Variants in UBE3D observed in about 807,000 individuals in gnomAD.
UBE3D encodes the protein E3 ubiquitin-protein ligase E3D.
UBE3D carries 48 observed loss-of-function variants against 49.6 expected under a neutral mutation model. That is an observed-to-expected ratio of 0.97 (90% confidence interval 0.77 to 1.23). The LOEUF (loss-of-function observed/expected upper bound fraction) is 1.23. Ranked by LOEUF, UBE3D falls within the 50% of genes most tolerant of loss-of-function variation. The pLI is 0.00. For synonymous variants in UBE3D, 189 were observed against 174.2 expected (o/e 1.08, Z -0.67); for missense variants, 452 against 468.4 (o/e 0.96, Z 0.32).
At chr6:82,903,594 A>T (rs1771890103) in intron 9 of UBE3D, among the ~76,000 whole-genome samples, 1 of 152,202 alleles carries the variant, frequency 6.6e-6, no homozygotes, top group Non-Finnish European at 1.5e-5. Context: ...AAAGGAATCA[A>T]AATGTAACCA....
chr6:82,993,296 T>C (rs1419905289), intron 8 of UBE3D, among the ~76,000 whole-genome samples: 1 of 152,174 alleles, frequency 6.6e-6, no homozygotes, highest in Non-Finnish European at 1.5e-5. Context: ...AATCTTTTCC[T>C]CTTGCACGAC....
chr6:82,972,852 C>A (rs1475826803), intron 8 of UBE3D, among the ~76,000 whole-genome samples: 1 of 152,106 alleles, frequency 6.6e-6, no homozygotes, highest in Non-Finnish European at 1.5e-5. Flanking sequence ...CATGTCTAGT[C>A]TATCCTTCTA....
At position 83,021,028 on chromosome 6, in the gene UBE3D, T is replaced by A. The variant is rs116699348; in HGVS notation, c.846+1425A>T. Among the ~76,000 whole-genome samples, 376 of 152,316 alleles carry A rather than the reference T, an allele frequency of 2.5e-3. 1 individual carries two copies. The highest frequency in any genetic ancestry group is 8.2e-3 in the African/African-American group (339 of 41,568). On this transcript the variant is annotated intron_variant, in intron 7 of 9. Coordinates refer to ENST00000369747, the MANE Select transcript of UBE3D (RefSeq NM_198920.3). Reference sequence around the variant, plus strand: ...AGGACACTGTTTTTCAGAGGTAGTGTAATATTAGGCTCTAGTGGTACATGC... The same window carrying A: ...AGGACACTGTTTTTCAGAGGTAGTGAAATATTAGGCTCTAGTGGTACATGC...
chr6:83,024,215 C>A (rs1463875725), intron 5 of UBE3D, among the ~76,000 whole-genome samples, 177 bp from the exon 6 acceptor site: 1 of 152,164 alleles, frequency 6.6e-6, no homozygotes, highest in Non-Finnish European at 1.5e-5. Flanking sequence ...TTGGTCACTA[C>A]AAGGAGATAG....
the UBE3D span, among the ~76,000 whole-genome samples, chr6:82,884,954 G>A: frequency 6.6e-6 from 1 of 152,108 alleles, no homozygotes; most frequent in Non-Finnish European, 1.5e-5. Context: ...CTTCTGTGCT[G>A]GATTCCTTTC....
intron 8 of UBE3D, among the ~76,000 whole-genome samples, chr6:83,011,276 C>T (rs1031024384): frequency 6.6e-6 from 1 of 152,282 alleles, no homozygotes; most frequent in African/African-American, 2.4e-5. Context: ...GAAATACTCA[C>T]GACACTTACA....
chr6:82,891,175 A>G (rs1476742241), downstream of UBE3D, among the ~76,000 whole-genome samples: 1 of 152,258 alleles, frequency 6.6e-6, no homozygotes, highest in Non-Finnish European at 1.5e-5. Context: ...TTCTCAGGCC[A>G]TATCTTCCAT....
chr6:82,920,430 T>A (rs969005690), intron 9 of UBE3D, among the ~76,000 whole-genome samples: 2 of 152,228 alleles, frequency 1.3e-5, no homozygotes, highest in African/African-American at 4.8e-5. Flanking sequence ...ACCATTTAAA[T>A]AAAAATGTAA....
intron 8 of UBE3D, among the ~76,000 whole-genome samples, chr6:83,000,501 C>G (rs1219130388): frequency 2.0e-5 from 3 of 152,176 alleles, no homozygotes; most frequent in African/African-American, 7.2e-5. Context: ...TCTTAGGCTA[C>G]TGCAATAGCT....
At chr6:83,055,495 C>G (rs2127845146) in intron 2 of UBE3D, among the ~76,000 whole-genome samples, 1 of 152,294 alleles carries the variant, frequency 6.6e-6, no homozygotes, top group South Asian at 2.1e-4. Context: ...TAAAAGGAGA[C>G]CTAGGAATCC....
chr6:83,001,416 T>C (rs1779627504), intron 8 of UBE3D, among the ~76,000 whole-genome samples: 1 of 152,230 alleles, frequency 6.6e-6, no homozygotes. Context: ...AAAACTTTTC[T>C]ATTAGTTGTC....
chr6:83,012,178 A>C (rs1257501762), intron 8 of UBE3D, among the ~76,000 whole-genome samples: 2 of 152,202 alleles, frequency 1.3e-5, no homozygotes, highest in Non-Finnish European at 2.9e-5. Context: ...TGGATAAGGC[A>C]TTCCGTGAGT....
intron 9 of UBE3D, among the ~76,000 whole-genome samples, chr6:82,921,819 A>C (rs1475697882): frequency 6.6e-6 from 1 of 151,662 alleles, no homozygotes; most frequent in Admixed American, 6.6e-5. Flanking sequence ...AAAATCACTA[A>C]ATATGTGAGC....
intron 9 of UBE3D, among the ~76,000 whole-genome samples, chr6:82,912,341 T>C (rs1195816106): frequency 1.3e-5 from 2 of 152,184 alleles, no homozygotes; most frequent in African/African-American, 4.8e-5. Context: ...TTTTCCATTT[T>C]AGCACACTGA....
intron 9 of UBE3D, among the ~76,000 whole-genome samples, chr6:82,941,137 C>T (rs1291830397): frequency 1.1e-4 from 17 of 151,888 alleles, no homozygotes; most frequent in Admixed American, 4.6e-4. Context: ...ACCCAAGAGG[C>T]GGAGGTTGCA....
At chr6:83,058,963 C>A (rs1239818679) in intron 1 of UBE3D, among the ~76,000 whole-genome samples, 1 of 152,118 alleles carries the variant, frequency 6.6e-6, no homozygotes, top group Non-Finnish European at 1.5e-5. Flanking sequence ...TCCTCTAAAA[C>A]AAGAGTCAGC....
intron 8 of UBE3D, among the ~76,000 whole-genome samples, chr6:82,957,719 C>T (rs1052761174): frequency 1.3e-5 from 2 of 152,080 alleles, no homozygotes; most frequent in Non-Finnish European, 1.5e-5. Context: ...TCTGTGGGAC[C>T]TGCTGGGGGA....
chr6:82,891,591 C>A (rs1361703881), downstream of UBE3D, among the ~76,000 whole-genome samples: 1 of 152,164 alleles, frequency 6.6e-6, no homozygotes, highest in African/African-American at 2.4e-5. Flanking sequence ...GGGTATTATT[C>A]CTATGTCAGT....
chr6:82,932,019 A>T (rs1562095415), intron 9 of UBE3D, among the ~76,000 whole-genome samples: 1 of 152,020 alleles, frequency 6.6e-6, no homozygotes, highest in African/African-American at 2.4e-5. Flanking sequence ...ATGAGATAAA[A>T]TGGTTTTATA....
Sources: gnomAD v4.1 joint callset for allele counts (sites outside exome capture counted in the v4.1 genomes callset) on GRCh38, gnomAD v4.1.1 for gene constraint, MANE v1.5 for transcripts, NCBI Gene and HGNC (gene_info 2026-07-23, HGNC 2026-07-21) for gene names.